The following MUC7 variants were observed in gnomAD, a reference collection of about 807,000 sequenced individuals.
MUC7 encodes the protein mucin 7, secreted.
In MUC7, 2 loss-of-function variants were observed where a neutral mutation model predicts 2.5. That is an observed-to-expected ratio of 0.81 (90% CI 0.33 to 2.55). The LOEUF (loss-of-function observed/expected upper bound fraction) is 2.55. MUC7 is among the 30% of genes most tolerant of loss of function. The pLI is 0.11. For missense variants in MUC7, 408 were observed against 455.6 expected (o/e 0.90, Z 0.95); for synonymous variants, 133 against 173.4 (o/e 0.77, Z 1.83).
At chr4:70,473,566 C>A (rs983139810) in intron 1 of MUC7, among the ~76,000 whole-genome samples, 2 of 152,140 alleles carry the variant, frequency 1.3e-5, no homozygotes, top group African/African-American at 4.8e-5. Context: ...TATAGCACAG[C>A]GACAAAGAGC....
At chr4:70,436,320 A>G (rs1468675307) in intron 1 of MUC7, among the ~76,000 whole-genome samples, 1 of 152,158 alleles carries the variant, frequency 6.6e-6, no homozygotes, top group African/African-American at 2.4e-5. Context: ...CATTCTCACC[A>G]TCACTTTAAG....
At chr4:70,441,249 A>G (rs1733997972) in intron 1 of MUC7, among the ~76,000 whole-genome samples, 1 of 152,182 alleles carries the variant, frequency 6.6e-6, no homozygotes, top group Admixed American at 6.5e-5. Flanking sequence ...CTTGTTTAAG[A>G]ACTTTATTAT....
At chr4:70,464,638 G>T (rs540411907) in intron 1 of MUC7, among the ~76,000 whole-genome samples, 37 of 152,206 alleles carry the variant, frequency 2.4e-4, no homozygotes, top group Non-Finnish European at 5.0e-4. Context: ...CCAAGAGTTT[G>T]AACTGCATGG....
At chr4:70,471,048 C>A (rs1474302684), upstream of MUC7, among the ~76,000 whole-genome samples, 48 of 152,088 alleles carry the variant, frequency 3.2e-4, no homozygotes, top group Non-Finnish European at 5.9e-5. Context: ...GAATCAAACC[C>A]AAAGAATGTA....
At chr4:70,464,317 G>C (rs1334102747) in intron 1 of MUC7, among the ~76,000 whole-genome samples, 1 of 152,162 alleles carries the variant, frequency 6.6e-6, no homozygotes, top group East Asian at 1.9e-4. Flanking sequence ...GCAAAATTGG[G>C]TGGTCATTTG....
intron 2 of MUC7, among the ~76,000 whole-genome samples, chr4:70,476,254 A>G (rs777649449): frequency 5.3e-5 from 8 of 152,190 alleles, no homozygotes; most frequent in African/African-American, 9.6e-5. Context: ...TAACTTTTTA[A>G]TAAGTAAAGT....
chr4:70,435,498 T>A (rs1462371093), intron 1 of MUC7, among the ~76,000 whole-genome samples: 1 of 152,270 alleles, frequency 6.6e-6, no homozygotes, highest in Non-Finnish European at 1.5e-5. Flanking sequence ...GTTTAAAGTC[T>A]GTTTTATCAG....
chr4:70,481,542 A>C lies in MUC7; in HGVS notation c.798A>C (p.Ala266=). The change falls in exon 3 of 3, where the codon GCA becomes GCC. Residue 266 remains alanine (A), a synonymous_variant. Coordinates refer to ENST00000304887, the MANE Select transcript of MUC7 (RefSeq NM_152291.3). ...CAGCTGTCCCACCCACACCTTCTGC[A>C]ACTACCCTAGACCCATCATCCGCCT... is the stretch of plus-strand genomic sequence containing the variant. The part of the protein sequence containing the change: ...ETTAVPPTPS[A]TTLDPSSASA... 6 of 1,608,756 alleles carry C rather than the reference A, an allele frequency of 3.7e-6. No homozygotes were observed. The highest frequency in any genetic ancestry group is 4.2e-6 in the Non-Finnish European group (5 of 1,179,166).
intron 1 of MUC7, among the ~76,000 whole-genome samples, chr4:70,463,511 T>C (rs1734608316): frequency 6.6e-6 from 1 of 152,156 alleles, no homozygotes; most frequent in Admixed American, 6.5e-5. Context: ...GAAAGTATAG[T>C]GAGGAACAGA....
intron 1 of MUC7, among the ~76,000 whole-genome samples, chr4:70,449,513 C>G (rs1279192851): frequency 6.6e-6 from 1 of 152,166 alleles, no homozygotes; most frequent in Non-Finnish European, 1.5e-5. Context: ...TATGGGAGCT[C>G]CAATTCAAGA....
chr4:70,461,816 A>T (rs1273937515), intron 1 of MUC7, among the ~76,000 whole-genome samples: 1 of 152,084 alleles, frequency 6.6e-6, no homozygotes, highest in Non-Finnish European at 1.5e-5. Context: ...TCAAAAAAAA[A>T]AAGGAGAAAG....
At chr4:70,432,600 T>C (rs533106900) in intron 1 of MUC7, among the ~76,000 whole-genome samples, 6 of 152,346 alleles carry the variant, frequency 3.9e-5, no homozygotes, top group African/African-American at 1.2e-4. Context: ...GGTTTTTTTC[T>C]TGTAAATTTG....
At chr4:70,434,425 A>G (rs573117858) in intron 1 of MUC7, among the ~76,000 whole-genome samples, 2 of 152,144 alleles carry the variant, frequency 1.3e-5, no homozygotes, top group African/African-American at 4.8e-5. Flanking sequence ...CAGAGATTCA[A>G]CTTCTTCCTA....
chr4:70,451,828 C>T (rs1734288364), intron 1 of MUC7, among the ~76,000 whole-genome samples: 1 of 152,100 alleles, frequency 6.6e-6, no homozygotes, highest in Non-Finnish European at 1.5e-5. Context: ...GATTTTGTAT[C>T]TGGAAGATCT....
intron 2 of MUC7, among the ~76,000 whole-genome samples, chr4:70,479,518 T>C (rs1004286211): frequency 1.3e-5 from 2 of 152,208 alleles, no homozygotes; most frequent in African/African-American, 4.8e-5. Context: ...GTGAACATCA[T>C]TAGGAAGAAA....
At chr4:70,455,064 A>G (rs1363366900) in intron 1 of MUC7, among the ~76,000 whole-genome samples, 1 of 151,874 alleles carries the variant, frequency 6.6e-6, no homozygotes, top group Admixed American at 6.6e-5. Flanking sequence ...AAGGCTTTTT[A>G]TGCCTTTGGA....
intron 1 of MUC7, among the ~76,000 whole-genome samples, chr4:70,432,911 G>A (rs1164793491): frequency 6.6e-6 from 1 of 152,264 alleles, no homozygotes; most frequent in Admixed American, 6.5e-5. Context: ...TTTGAATAAG[G>A]TGTAAGGAAG....
chr4:70,433,428 C>T (rs556718876), intron 1 of MUC7, among the ~76,000 whole-genome samples: 1 of 152,214 alleles, frequency 6.6e-6, no homozygotes, highest in Non-Finnish European at 1.5e-5. Context: ...TGTAGTTCTC[C>T]TTGAAGAGAT....
intron 1 of MUC7, among the ~76,000 whole-genome samples, chr4:70,457,776 C>A (rs980891692): frequency 6.6e-6 from 1 of 151,834 alleles, no homozygotes; most frequent in Non-Finnish European, 1.5e-5. Context: ...GATACCAAGT[C>A]TGACTCAAAA....
Sources: allele counts gnomAD v4.1 joint callset (sites outside exome capture counted in the v4.1 genomes callset), GRCh38; gene constraint gnomAD v4.1.1; transcripts MANE v1.5; gene names NCBI Gene and HGNC (gene_info 2026-07-23, HGNC 2026-07-21).